MAP2K4: variants seen among roughly 807,000 people sequenced by gnomAD.
MAP2K4 encodes the protein dual specificity mitogen-activated protein kinase kinase 4.
In MAP2K4, 4 loss-of-function variants were observed where a neutral mutation model predicts 48.5. The observed-to-expected ratio is 0.08, with a 90% CI of 0.04 to 0.19. MAP2K4 has a LOEUF of 0.19. Ranked by LOEUF, MAP2K4 falls within the 10% of genes least tolerant of loss-of-function variation. MAP2K4 has a pLI of 1.00. For missense variants in MAP2K4, 258 were observed against 493.3 expected (o/e 0.52, Z 4.52); for synonymous variants, 166 against 173.1 (o/e 0.96, Z 0.32).
chr17:12,021,631 T>C (rs1342312417), intron 1 of MAP2K4: 2 of 119,906 alleles, frequency 1.7e-5, no homozygotes, highest in African/African-American at 3.1e-5. Flanking sequence ...GGGGGGCGGG[T>C]TGCCCAGGCC....
intron 7 of MAP2K4, among the ~76,000 whole-genome samples, chr17:12,121,212 A>T (rs1243269232): frequency 6.6e-6 from 1 of 152,224 alleles, no homozygotes; most frequent in Non-Finnish European, 1.5e-5. Context: ...CTATGTATAT[A>T]GTTGTATATG....
intron 1 of MAP2K4, among the ~76,000 whole-genome samples, chr17:12,030,336 A>G (rs55939787): frequency 0.23 from 34,305 of 152,108 alleles, 4,057 homozygotes; most frequent in Middle Eastern, 0.26. Context: ...GTATTTTCTT[A>G]GTGAGAAATA....
chr17:12,062,883 C>T (rs1970495145), intron 2 of MAP2K4, among the ~76,000 whole-genome samples: 2 of 150,980 alleles, frequency 1.3e-5, no homozygotes, highest in East Asian at 2.0e-4. Flanking sequence ...TTGCATTCTT[C>T]CCCCCCACCT....
At chr17:12,027,606 C>G (rs897361294) in intron 1 of MAP2K4, among the ~76,000 whole-genome samples, 2 of 152,040 alleles carry the variant, frequency 1.3e-5, no homozygotes, top group African/African-American at 4.8e-5. Flanking sequence ...TCTGACATGC[C>G]TATGTCTATT....
chr17:12,061,874 T>A (rs1970457531), intron 2 of MAP2K4, among the ~76,000 whole-genome samples: 2 of 151,426 alleles, frequency 1.3e-5, no homozygotes, highest in Admixed American at 1.3e-4. Flanking sequence ...ATTTGCTATA[T>A]GAAGGTAACT....
intron 9 of MAP2K4, among the ~76,000 whole-genome samples, chr17:12,136,794 A>G (rs376455533): frequency 2.8e-4 from 42 of 152,236 alleles, no homozygotes; most frequent in African/African-American, 8.9e-4. Context: ...AAGGTATGGC[A>G]GCTTTACAAA....
At position 12,142,780 on chromosome 17, in the gene MAP2K4, A is replaced by G. The variant is rs1973411727; in HGVS notation, c.*1520A>G. 4.3e-6 allele frequency: 1 copy of G among 232,770 alleles called. No homozygotes were observed. The allele number at this position is 232,770 out of a possible 1,614,324, so 14.4% of individuals were successfully genotyped here. The stretch of plus-strand genomic sequence containing the variant: ...TCACTTACCCATTAGCCAGGTTCTC[A>G]TTAGGTTTTGCTTGGGCCTCCCTGG... On this transcript the variant is annotated 3_prime_UTR_variant, in exon 11 of 11. Coordinates refer to ENST00000353533, the MANE Select transcript of MAP2K4 (RefSeq NM_003010.4).
chr17:12,088,542 T>TATATATAATATATAATATATATTAAA (rs1567653676), intron 3 of MAP2K4, among the ~76,000 whole-genome samples: 784 of 25,710 alleles, frequency 0.03, 30 homozygotes, highest in Non-Finnish European at 0.091. Flanking sequence ...ATATATTAAA[T>TATATATAATATATAATATATATTAAA]TATATCTAAT....
chr17:12,090,046 C>G (rs747211220), intron 3 of MAP2K4, among the ~76,000 whole-genome samples: 9 of 152,180 alleles, frequency 5.9e-5, no homozygotes, highest in African/African-American at 2.4e-5. Context: ...GAACTGACAT[C>G]TGTCATGTCC....
chr17:12,068,649 A>G (rs2151537043), intron 2 of MAP2K4, among the ~76,000 whole-genome samples: 1 of 152,202 alleles, frequency 6.6e-6, no homozygotes, highest in Admixed American at 6.5e-5. Flanking sequence ...GGTATGGAGC[A>G]TCTGTAAATA....
intron 3 of MAP2K4, among the ~76,000 whole-genome samples, chr17:12,092,808 C>T (rs995977233): frequency 2.0e-5 from 3 of 152,128 alleles, no homozygotes; most frequent in African/African-American, 4.8e-5. Context: ...AGGCGGATCA[C>T]GAGGTCAGGA....
intron 3 of MAP2K4, among the ~76,000 whole-genome samples, chr17:12,083,594 G>T (rs938835931): frequency 1.3e-5 from 2 of 152,206 alleles, no homozygotes; most frequent in Non-Finnish European, 2.9e-5. Flanking sequence ...TAGTTGAGGA[G>T]TACCTTTGGA....
chr17:12,058,475 C>A (rs1267400811), intron 2 of MAP2K4, among the ~76,000 whole-genome samples: 1 of 152,108 alleles, frequency 6.6e-6, no homozygotes, highest in Non-Finnish European at 1.5e-5. Context: ...TGATTTGTCC[C>A]TCATATTCAC....
chr17:12,116,557 G>C (rs543884429), intron 7 of MAP2K4, among the ~76,000 whole-genome samples: 2 of 151,958 alleles, frequency 1.3e-5, no homozygotes, highest in African/African-American at 4.8e-5. Context: ...CTGTACAGCC[G>C]TACAAAAATA....
intron 2 of MAP2K4, among the ~76,000 whole-genome samples, chr17:12,063,239 A>G (rs1970508130): frequency 6.6e-6 from 1 of 152,236 alleles, no homozygotes; most frequent in South Asian, 2.1e-4. Flanking sequence ...CAGTCAGCCT[A>G]CAAGTACAAC....
chr17:12,075,641 A>T (rs539375129), intron 2 of MAP2K4, among the ~76,000 whole-genome samples: 4 of 152,148 alleles, frequency 2.6e-5, no homozygotes, highest in African/African-American at 9.7e-5. Flanking sequence ...AGAATGTTCA[A>T]CTCTAGCAGT....
At chr17:12,058,794 G>GAAT (rs1037814067) in intron 2 of MAP2K4, among the ~76,000 whole-genome samples, 1 of 152,082 alleles carries the variant, frequency 6.6e-6, no homozygotes, top group Non-Finnish European at 1.5e-5. Flanking sequence ...ACATCTAGTA[G>GAAT]AATAAATCTT....
At chr17:12,079,360 A>C (rs1363412335) in intron 2 of MAP2K4, among the ~76,000 whole-genome samples, 3 of 152,242 alleles carry the variant, frequency 2.0e-5, no homozygotes, top group Admixed American at 2.0e-4. Context: ...ATTTCTATAT[A>C]GTAATGAAAT....
At chr17:12,087,761 A>C (rs1971417283) in intron 3 of MAP2K4, among the ~76,000 whole-genome samples, 1 of 152,118 alleles carries the variant, frequency 6.6e-6, no homozygotes, top group South Asian at 2.1e-4. Flanking sequence ...TCACAATTTA[A>C]AATAATTGAC....
Sources: allele counts gnomAD v4.1 joint callset (sites outside exome capture counted in the v4.1 genomes callset), GRCh38; gene constraint gnomAD v4.1.1; transcripts MANE v1.5; gene names NCBI Gene and HGNC (gene_info 2026-07-23, HGNC 2026-07-21).